Variants in CIMIP6 observed in about 807,000 individuals in gnomAD.
The protein encoded by CIMIP6 is ciliary microtubule inner protein 6.
the CIMIP6 span, among the ~76,000 whole-genome samples, chr2:54,376,310 A>C: frequency 6.6e-6 from 1 of 152,046 alleles, no homozygotes; most frequent in Admixed American, 6.6e-5. Context: ...CACAGTGCTC[A>C]GCCTGTTTTT....
At chr2:54,341,188 A>T in the CIMIP6 span, among the ~76,000 whole-genome samples, 1 of 152,140 alleles carries the variant, frequency 6.6e-6, no homozygotes, top group African/African-American at 2.4e-5. Flanking sequence ...GTCCCCTCCA[A>T]ACTCATGTTG....
At chr2:54,353,467 G>A in the CIMIP6 span, among the ~76,000 whole-genome samples, 4 of 152,164 alleles carry the variant, frequency 2.6e-5, no homozygotes, top group East Asian at 1.9e-4. Flanking sequence ...TCCAGTAGTT[G>A]ATAGGCTTCT....
chr2:54,334,992 T>C, the CIMIP6 span: 1 of 1,604,130 alleles, frequency 6.2e-7, no homozygotes, highest in Non-Finnish European at 8.5e-7. Flanking sequence ...ACCATTTCCC[T>C]ACATAGATCC....
At chr2:54,382,455 C>G in the CIMIP6 span, among the ~76,000 whole-genome samples, 3 of 152,308 alleles carry the variant, frequency 2.0e-5, no homozygotes, top group East Asian at 5.8e-4. Context: ...CCCAGCATGC[C>G]TTTCCAACCT....
chr2:54,331,094 C>A, the CIMIP6 span: 3 of 1,206,786 alleles, frequency 2.5e-6, no homozygotes, highest in Non-Finnish European at 3.6e-6. Flanking sequence ...CAGTCCAGGC[C>A]AAGCTCAGAC....
the CIMIP6 span, chr2:54,343,830 G>C: frequency 6.2e-7 from 1 of 1,611,388 alleles, no homozygotes; most frequent in Non-Finnish European, 8.5e-7. Flanking sequence ...CACTGGTTTT[G>C]CCAGTCAAAC....
chr2:54,362,772 C>T, the CIMIP6 span, among the ~76,000 whole-genome samples: 3 of 152,176 alleles, frequency 2.0e-5, no homozygotes, highest in Non-Finnish European at 4.4e-5. Flanking sequence ...TTCTCAAACT[C>T]CTGAGCTCAA....
chr2:54,341,788 C>T, the CIMIP6 span, among the ~76,000 whole-genome samples: 1 of 152,110 alleles, frequency 6.6e-6, no homozygotes, highest in Non-Finnish European at 1.5e-5. Flanking sequence ...ATAAGTAAGA[C>T]AAGACCTATA....
the CIMIP6 span, among the ~76,000 whole-genome samples, chr2:54,378,508 T>G: frequency 6.6e-6 from 1 of 152,222 alleles, no homozygotes; most frequent in African/African-American, 2.4e-5. Flanking sequence ...AACATCAAAA[T>G]TTTGTTTTGA....
At chr2:54,332,870 A>G in the CIMIP6 span, among the ~76,000 whole-genome samples, 1 of 152,242 alleles carries the variant, frequency 6.6e-6, no homozygotes, top group African/African-American at 2.4e-5. Context: ...ATCTCTGGAA[A>G]GGTAATAGAA....
chr2:54,363,918 T>A, the CIMIP6 span, among the ~76,000 whole-genome samples: 1 of 152,230 alleles, frequency 6.6e-6, no homozygotes, highest in Non-Finnish European at 1.5e-5. Context: ...GTGTCCCACA[T>A]AATTTAGAGG....
the CIMIP6 span, among the ~76,000 whole-genome samples, chr2:54,366,694 C>T: frequency 6.6e-6 from 1 of 151,592 alleles, no homozygotes; most frequent in African/African-American, 2.4e-5. Context: ...GACTTCTCAT[C>T]CACAACAATG....
chr2:54,337,855 A>G, the CIMIP6 span, among the ~76,000 whole-genome samples: 1 of 152,224 alleles, frequency 6.6e-6, no homozygotes, highest in Non-Finnish European at 1.5e-5. Flanking sequence ...TTACAGAGAA[A>G]GACTGAAGAT....
chr2:54,350,627 C>T, the CIMIP6 span, among the ~76,000 whole-genome samples: 2 of 152,206 alleles, frequency 1.3e-5, no homozygotes, highest in African/African-American at 2.4e-5. Context: ...AATCACAAGA[C>T]CAGCCCACAT....
At chr2:54,342,467 TG>T in the CIMIP6 span, among the ~76,000 whole-genome samples, 1 of 152,138 alleles carries the variant, frequency 6.6e-6, no homozygotes, top group African/African-American at 2.4e-5. Flanking sequence ...AATTTATAAA[TG>T]TCTTCTAAGT....
the CIMIP6 span, among the ~76,000 whole-genome samples, chr2:54,333,885 C>T: frequency 1.3e-5 from 2 of 151,878 alleles, no homozygotes; most frequent in Non-Finnish European, 2.9e-5. Flanking sequence ...AGTAAGACTC[C>T]GTCTCAAAAA....
At chr2:54,352,827 T>TG in the CIMIP6 span, among the ~76,000 whole-genome samples, 1 of 152,214 alleles carries the variant, frequency 6.6e-6, no homozygotes. Flanking sequence ...ATCGTGTTTT[T>TG]TATTTGTATT....
chr2:54,367,022 G>A, the CIMIP6 span, among the ~76,000 whole-genome samples: 1 of 152,054 alleles, frequency 6.6e-6, no homozygotes, highest in Non-Finnish European at 1.5e-5. Context: ...CACCCAGCTA[G>A]TAAATAGCCA....
chr2:54,372,054 T>C, the CIMIP6 span, among the ~76,000 whole-genome samples: 1 of 152,228 alleles, frequency 6.6e-6, no homozygotes, highest in Non-Finnish European at 1.5e-5. Flanking sequence ...TTCTATGAAC[T>C]GTGTATGTTT....
Sources: gnomAD v4.1 joint callset for allele counts (sites outside exome capture counted in the v4.1 genomes callset) on GRCh38, gnomAD v4.1.1 for gene constraint, MANE v1.5 for transcripts, NCBI Gene and HGNC (gene_info 2026-07-23, HGNC 2026-07-21) for gene names.